THBS2: variants seen among roughly 807,000 people sequenced by gnomAD.
The protein encoded by THBS2 is thrombospondin-2.
Under a neutral mutation model 135.2 loss-of-function variants are expected in THBS2, and 47 were observed. The observed-to-expected ratio is 0.35, with a 90% CI of 0.28 to 0.44. THBS2 has a LOEUF of 0.44. Ranked by LOEUF, THBS2 falls within the 20% of genes least tolerant of loss-of-function variation. The pLI is 1.00. For synonymous variants in THBS2, 639 were observed against 633.8 expected, an observed-to-expected ratio of 1.01 and a Z score of -0.12; for missense variants, 1,288 against 1,603.1, an observed-to-expected ratio of 0.80 and a Z score of 3.36.
At chr6:169,234,652 C>T in intron 10 of THBS2, 82 bp downstream of exon 10, 1 of 1,323,366 alleles carries the variant, frequency 7.6e-7, no homozygotes, top group African/African-American at 1.5e-5. Flanking sequence ...CTGTGTTTTT[C>T]ATCTAGTTTC....
intron 4 of THBS2, among the ~76,000 whole-genome samples, chr6:169,243,317 G>A (rs77657564): frequency 7.2e-5 from 11 of 152,276 alleles, no homozygotes; most frequent in Admixed American, 4.6e-4. Flanking sequence ...GGACGGAGGC[G>A]GGGTCCAGTC....
At chr6:169,223,628 C>T (rs1468129917) in intron 17 of THBS2, among the ~76,000 whole-genome samples, 153 bp from the exon 18 acceptor site, 1 of 152,154 alleles carries the variant, frequency 6.6e-6, no homozygotes, top group African/African-American at 2.4e-5. Context: ...TTTGTGGATT[C>T]GTGCTCAACA....
chr6:169,244,504 G>A (rs913194812), intron 4 of THBS2, among the ~76,000 whole-genome samples: 16 of 151,666 alleles, frequency 1.1e-4, no homozygotes, highest in African/African-American at 2.4e-4. Flanking sequence ...TAGGAACACC[G>A]CGAAGGGTAT....
intron 7 of THBS2, 34 bp downstream of exon 7, chr6:169,239,565 A>T (rs35223842): frequency 0.017 from 26,492 of 1,543,484 alleles, 278 homozygotes; most frequent in Middle Eastern, 0.024. Context: ...ATTCCTAAAA[A>T]TGCAGGATGC....
Position 169,239,581 on chromosome 6 carries a change from C to A in THBS2, c.1129+18G>T. 2 of 1,580,822 alleles carry A rather than the reference C, an allele frequency of 1.3e-6. No individual in the cohort carries two copies. Among genetic ancestry groups the A allele is most frequent in the South Asian group, 1.2e-5 (1 of 86,314 alleles). On this transcript the variant is annotated intron_variant, in intron 7 of 21. Coordinates refer to ENST00000617924, the MANE Select transcript of THBS2 (RefSeq NM_003247.5). ...TTCCTAAAAATGCAGGATGCGCTTG[C>A]CGGCTGGCGATACTCACAGTGGAGG... is the stretch of plus-strand genomic sequence containing the variant.
At chr6:169,248,309 A>C (rs1780627448) in intron 3 of THBS2, 108 bp downstream of exon 3, 4 of 1,332,912 alleles carry the variant, frequency 3.0e-6, no homozygotes, top group South Asian at 2.7e-5. Flanking sequence ...TGCTTCTCTA[A>C]GGCCAGGCTC....
Position 169,240,559 on chromosome 6 carries a change from C to A in THBS2, c.925G>T (p.Gly309Cys). Residue 309 changes from glycine to cysteine, a missense_variant, in exon 6 of 22, where the codon GGT (glycine) becomes TGT (cysteine). Coordinates refer to ENST00000617924, the MANE Select transcript of THBS2 (RefSeq NM_003247.5). The part of the protein sequence containing the change: ...NDNQFLWELI[G>C]GPPKTRNMSA... ...ATGTTCCTTGTCTTAGGAGGGCCAC[C>A]AATGAGCTCCCAGAGAAACTGGTTA... 2 of 1,613,982 alleles carry A rather than the reference C, an allele frequency of 1.2e-6. No homozygotes were observed. Among genetic ancestry groups the A allele is most frequent in the Non-Finnish European group, 1.7e-6 (2 of 1,179,978 alleles).
At chr6:169,219,569 T>C (rs1447437488) in intron 21 of THBS2, among the ~76,000 whole-genome samples, 1 of 152,122 alleles carries the variant, frequency 6.6e-6, no homozygotes, top group African/African-American at 2.4e-5. Flanking sequence ...GGTCTCGAAC[T>C]CCTGACCTCA....
Position 169,217,548 on chromosome 6 carries a change from A to G in THBS2, c.*274T>C, listed in dbSNP as rs1056531754. The G allele has an allele frequency of 4.5e-6, 2 of 440,210 alleles. No individual in the cohort carries two copies. Among genetic ancestry groups the G allele is most frequent in the African/African-American group, 4.0e-5 (2 of 49,656 alleles). 27.3% of individuals were successfully genotyped at this position (440,210 alleles called of 1,614,324 possible). ...TAAACAAACAAGAAAAAGCAATGTA[A>G]TGGCATGCCCAATTTTCACTCCACA... On this transcript the variant is annotated 3_prime_UTR_variant, in exon 22 of 22. Coordinates refer to ENST00000617924, the MANE Select transcript of THBS2 (RefSeq NM_003247.5).
chr6:169,228,404 AAAGCCAGTT>A, intron 14 of THBS2, 123 bp from the exon 15 acceptor site: 1 of 1,268,448 alleles, frequency 7.9e-7, no homozygotes, highest in Non-Finnish European at 1.1e-6. Flanking sequence ...AACAAACACA[AAAGCCAGTT>A]AGGGCTGGAC....
At position 169,241,964 on chromosome 6, in the gene THBS2, G is replaced by A. The variant is rs1309768585; in HGVS notation, c.695-6C>T. 1.9e-6 allele frequency: 3 copies of A among 1,602,656 alleles called. No homozygotes were observed. Among genetic ancestry groups the A allele is most frequent in the African/African-American group, 1.3e-5 (1 of 74,938 alleles). ...ACTGATGGCGTTGATCTCAGCTGAG[G>A]GCAAGCGTAGAAGGGCCGTGAGCAT... On this transcript the variant is annotated splice_region_variant and splice_polypyrimidine_tract_variant and intron_variant, in intron 4 of 21. Transcript: ENST00000617924. The surrounding 1 kb of genome is among the most constrained non-coding windows in gnomAD (Gnocchi z 5.5).
Position 169,217,776 on chromosome 6 carries a change from G to T in THBS2, c.*46C>A, listed in dbSNP as rs1168927796. 3 of 1,607,420 alleles carry T rather than the reference G, an allele frequency of 1.9e-6. No homozygotes were observed. Among genetic ancestry groups the T allele is most frequent in the South Asian group, 1.1e-5 (1 of 90,052 alleles). ...ACCACAATGAACTGAGGTGTCTAGG[G>T]ACCATGGCATGCACAGGGCATTGCC... is the stretch of plus-strand genomic sequence containing the variant. On this transcript the variant is annotated 3_prime_UTR_variant, in exon 22 of 22. Coordinates refer to ENST00000617924, the MANE Select transcript of THBS2 (RefSeq NM_003247.5).
intron 13 of THBS2, among the ~76,000 whole-genome samples, chr6:169,230,511 G>A (rs1156613374): frequency 1.3e-5 from 2 of 152,226 alleles, no homozygotes; most frequent in African/African-American, 4.8e-5. Context: ...CCAGACGGGG[G>A]CCCCTGGCAA....
chr6:169,220,081 G>A, intron 21 of THBS2, 117 bp downstream of exon 21: 2 of 1,281,156 alleles, frequency 1.6e-6, no homozygotes, highest in South Asian at 1.4e-5. Flanking sequence ...GTGGTATTGT[G>A]CATTAGGTTT....
At position 169,229,457 on chromosome 6, in the gene THBS2, C is replaced by T. The variant is rs752270345; in HGVS notation, c.2259+115G>A. On this transcript the variant is annotated intron_variant, in intron 14 of 21. Transcript: ENST00000617924. ...CCTTTGGGAACTGCCTATGCACAAA[C>T]GCTTGCAGGACAATGGCAGTTACGT... 56 of 801,882 alleles carry T rather than the reference C, an allele frequency of 7.0e-5. No homozygotes were observed. In the East Asian group the frequency reaches 1.0e-3, roughly 14 times the overall value. The allele number at this position is 801,882 out of a possible 1,614,324, so 49.7% of individuals were successfully genotyped here.
In THBS2 at chr6:169,215,828, T is replaced by TA. The variant is rs1216228995; in HGVS notation, c.*1993dup. On this transcript the variant is annotated 3_prime_UTR_variant, in exon 22 of 22. Coordinates refer to ENST00000617924, the MANE Select transcript of THBS2 (RefSeq NM_003247.5). Reference sequence around the variant, plus strand: ...CAATTTATTTCCTGTTGTTAATCTTTAAAAATGAGGTTCTAGCTAAGTGCA... The same window carrying TA: ...CAATTTATTTCCTGTTGTTAATCTTTAAAAAATGAGGTTCTAGCTAAGTGCA... The TA allele has an allele frequency of 1.3e-5, 2 of 152,498 alleles. No homozygotes were observed. Among genetic ancestry groups the TA allele is most frequent in the Non-Finnish European group, 2.9e-5 (2 of 68,036 alleles). 9.4% of individuals were successfully genotyped at this position (152,498 alleles called of 1,614,324 possible). A position where few individuals can be genotyped will look rare whatever the true frequency, so the allele number is the denominator to read the frequency against.
At chr6:169,229,364 A>T (rs1395767192) in intron 14 of THBS2, among the ~76,000 whole-genome samples, 2 of 152,218 alleles carry the variant, frequency 1.3e-5, no homozygotes, top group Non-Finnish European at 2.9e-5. Context: ...CATTTCCGGC[A>T]GCACACCCTG....
intron 21 of THBS2, among the ~76,000 whole-genome samples, chr6:169,218,070 G>GATGGATGGATGGATGAAATGA (rs1779246939): frequency 8.9e-6 from 1 of 112,834 alleles, no homozygotes; most frequent in Admixed American, 8.9e-5. Flanking sequence ...GGATGAAATG[G>GATGGATGGATGGATGAAATGA]ATGGGTGGGT....
intron 20 of THBS2, 70 bp downstream of exon 20, chr6:169,221,360 T>C: frequency 2.2e-6 from 3 of 1,386,974 alleles, no homozygotes; most frequent in South Asian, 2.3e-5. Flanking sequence ...TATTTGTCTA[T>C]TAATGTTCAA....
Sources: gnomAD v4.1 joint callset for allele counts (sites outside exome capture counted in the v4.1 genomes callset) on GRCh38, gnomAD v4.1.1 for gene constraint, Gnocchi (gnomAD v3.1) non-coding constraint, MANE v1.5 for transcripts, NCBI Gene and HGNC (gene_info 2026-07-23, HGNC 2026-07-21) for gene names.